The following CORO2A variants were observed in gnomAD, a reference collection of about 807,000 sequenced individuals.
CORO2A encodes the protein coronin 2A, also known as coronin-2A.
CORO2A carries 47 observed loss-of-function variants against 62.4 expected under a neutral mutation model. The observed-to-expected ratio is 0.75, with a 90% CI of 0.60 to 0.96. CORO2A has a LOEUF of 0.96. Among genes scored for constraint, CORO2A ranks in the 40% least tolerant of loss-of-function variants. The pLI is 0.00. For missense variants in CORO2A, 610 were observed against 684.1 expected (o/e 0.89, Z 1.21); for synonymous variants, 273 against 268.9 (o/e 1.02, Z -0.15).
At chr9:98,156,564 G>T (rs141618230) in intron 2 of CORO2A, among the ~76,000 whole-genome samples, 73 of 152,308 alleles carry the variant, frequency 4.8e-4, no homozygotes, top group Middle Eastern at 3.4e-3. Flanking sequence ...CCAAATGAAT[G>T]GGAATTTAAG....
Position 98,137,649 on chromosome 9 carries a change from G to A in CORO2A, c.241C>T (p.His81Tyr). 6.2e-7 allele frequency: 1 copy of A among 1,614,232 alleles called. No individual in the cohort carries two copies. The highest frequency in any genetic ancestry group is 1.1e-5 in the South Asian group (1 of 91,084). The change falls in exon 3 of 12, where the codon CAC (histidine) becomes TAC (tyrosine). Residue 81 changes from histidine to tyrosine, a missense_variant. His to Tyr is a moderately conservative substitution (Grantham distance 83). Coordinates refer to ENST00000375077, the MANE Select transcript of CORO2A (RefSeq NM_052820.4). Reference protein sequence around the residue: ...LDPHYPKVCGHRGNVLDVKWN... With the variant: ...LDPHYPKVCGYRGNVLDVKWN... The stretch of plus-strand genomic sequence containing the variant: ...TTGACATCCAAAACGTTGCCTCTGT[G>A]CCCGCAGACTTTTGGGTAGTGGGGG...
intron 1 of CORO2A, among the ~76,000 whole-genome samples, chr9:98,171,626 G>T (rs1828037633): frequency 6.6e-6 from 1 of 152,132 alleles, no homozygotes; most frequent in Non-Finnish European, 1.5e-5. Context: ...GGGAGGATAC[G>T]ACTGAGCTGA....
chr9:98,161,340 G>C (rs914045044), intron 1 of CORO2A, among the ~76,000 whole-genome samples: 5 of 152,142 alleles, frequency 3.3e-5, no homozygotes, highest in Non-Finnish European at 7.4e-5. Context: ...GATCACTTGA[G>C]GTCAGGAGTT....
intron 1 of CORO2A, among the ~76,000 whole-genome samples, chr9:98,166,587 T>C (rs753214936): frequency 6.6e-6 from 1 of 152,204 alleles, no homozygotes; most frequent in Non-Finnish European, 1.5e-5. Flanking sequence ...AAGGGTTTAG[T>C]TGCTATGAAA....
At chr9:98,183,124 G>A (rs1828198317) in intron 1 of CORO2A, among the ~76,000 whole-genome samples, 1 of 152,294 alleles carries the variant, frequency 6.6e-6, no homozygotes, top group South Asian at 2.1e-4. Flanking sequence ...CCGGCCTGGC[G>A]CCCCTCTGGA....
intron 2 of CORO2A, among the ~76,000 whole-genome samples, chr9:98,151,686 G>A (rs905109429): frequency 6.6e-6 from 1 of 151,752 alleles, no homozygotes; most frequent in African/African-American, 2.4e-5. Flanking sequence ...TTTTTGAGAC[G>A]GAATTTTGCT....
At chr9:98,132,091 G>C (rs1827416291) in intron 6 of CORO2A, 94 bp downstream of exon 6, 1 of 954,048 alleles carries the variant, frequency 1.0e-6, no homozygotes. Flanking sequence ...AAATGTGTGT[G>C]TCATAAATGG....
intron 11 of CORO2A, among the ~76,000 whole-genome samples, chr9:98,126,220 G>A (rs1237353383): frequency 6.6e-6 from 1 of 151,672 alleles, no homozygotes; most frequent in African/African-American, 2.4e-5. Context: ...ATTTTTAGTA[G>A]AGATGGGGTT....
intron 2 of CORO2A, among the ~76,000 whole-genome samples, chr9:98,154,962 T>G (rs7869422): frequency 0.068 from 10,330 of 152,228 alleles, 942 homozygotes; most frequent in African/African-American, 0.21. Context: ...AAACCTATGG[T>G]TGGTATTTCT....
intron 2 of CORO2A, among the ~76,000 whole-genome samples, chr9:98,148,979 T>A (rs1263721467): frequency 6.6e-6 from 1 of 152,156 alleles, no homozygotes; most frequent in South Asian, 2.1e-4. Flanking sequence ...AATTGTCATC[T>A]GGGGTTAAGG....
chr9:98,147,935 A>T (rs1827665236), intron 2 of CORO2A, among the ~76,000 whole-genome samples: 1 of 152,116 alleles, frequency 6.6e-6, no homozygotes, highest in African/African-American at 2.4e-5. Context: ...CATACCATAG[A>T]ATACTATTCA....
chr9:98,192,264 CAG>C (rs1407497125), intron 1 of CORO2A, among the ~76,000 whole-genome samples: 1 of 152,194 alleles, frequency 6.6e-6, no homozygotes, highest in Non-Finnish European at 1.5e-5. Context: ...GCGGTGCAGA[CAG>C]TGCTCATGAG....
chr9:98,128,869 C>A, intron 8 of CORO2A, 150 bp from the exon 9 acceptor site: 1 of 620,158 alleles, frequency 1.6e-6, no homozygotes, highest in East Asian at 2.8e-5. Flanking sequence ...GGGCTGGGCC[C>A]TATGTTGGGA....
chr9:98,190,833 G>A (rs900006404), intron 1 of CORO2A, among the ~76,000 whole-genome samples: 1 of 152,156 alleles, frequency 6.6e-6, no homozygotes, highest in African/African-American at 2.4e-5. Context: ...TGGGCTCATG[G>A]GCCAGCACAT....
At chr9:98,185,515 G>A (rs1363976661) in intron 1 of CORO2A, among the ~76,000 whole-genome samples, 3 of 152,200 alleles carry the variant, frequency 2.0e-5, no homozygotes, top group South Asian at 2.1e-4. Context: ...CTTGTTGTCC[G>A]CAATCTTAGA....
Position 98,123,310 on chromosome 9 carries a change from G to C in CORO2A, c.*1464C>G, listed in dbSNP as rs1314133018. On this transcript the variant is annotated 3_prime_UTR_variant, in exon 12 of 12. Transcript: ENST00000375077. ...CTCTCTCTAGGCCTTAGTTTCCCCA[G>C]CTGTAAAATGAGGAACTTGGGTCAA... 1 of 152,164 alleles carries C rather than the reference G, an allele frequency of 6.6e-6. No homozygotes were observed. The highest frequency in any genetic ancestry group is 1.5e-5 in the Non-Finnish European group (1 of 68,042). The allele number at this position is 152,164 out of a possible 1,614,324, so 9.4% of individuals were successfully genotyped here. A position where few individuals can be genotyped will look rare whatever the true frequency, so the allele number is the denominator to read the frequency against.
intron 1 of CORO2A, among the ~76,000 whole-genome samples, chr9:98,159,506 C>T (rs1827855633): frequency 1.3e-5 from 2 of 151,810 alleles, no homozygotes; most frequent in Admixed American, 1.3e-4. Flanking sequence ...TTCCCCAGCA[C>T]CTGCTCTTGC....
intron 11 of CORO2A, among the ~76,000 whole-genome samples, chr9:98,125,393 C>T (rs1827302252): frequency 6.6e-6 from 1 of 152,220 alleles, no homozygotes; most frequent in South Asian, 2.1e-4. Context: ...CCCACCGTAC[C>T]ACCGTGGAAA....
rs372930440 is a variant in CORO2A, at chr9:98,130,940, C to A, written c.870+15G>T. On this transcript the variant is annotated intron_variant, in intron 7 of 11. Transcript: ENST00000375077. ...AGGGGTCCAGGAGGTCACCTCCCTC[C>A]CGTGCCAAGCCGACCTTCCCCACCA... 6.2e-7 allele frequency: 1 copy of A among 1,609,026 alleles called. No individual in the cohort carries two copies. The highest frequency in any genetic ancestry group is 8.5e-7 in the Non-Finnish European group (1 of 1,176,956).
Sources: allele counts gnomAD v4.1 joint callset (sites outside exome capture counted in the v4.1 genomes callset), GRCh38; gene constraint gnomAD v4.1.1; transcripts MANE v1.5; gene names NCBI Gene and HGNC (gene_info 2026-07-23, HGNC 2026-07-21).